The following USP53 variants were observed in gnomAD, a reference collection of about 807,000 sequenced individuals.
USP53 encodes the protein ubiquitin carboxyl-terminal hydrolase 53.
Under a neutral mutation model 94.9 loss-of-function variants are expected in USP53, and 71 were observed. The ratio of observed to expected loss-of-function variants is 0.75; its 90% confidence interval spans 0.62 to 0.91. USP53 has a LOEUF of 0.91. Among genes scored for constraint, USP53 ranks in the 40% least tolerant of loss-of-function variants. USP53 has a pLI of 0.00. For missense variants in USP53, 1,173 were observed against 1,281.0 expected (o/e 0.92, Z 1.29); for synonymous variants, 375 against 422.7 (o/e 0.89, Z 1.39).
At position 119,293,696 on chromosome 4, in the gene USP53, A is replaced by G. The variant is rs1323828917; in HGVS notation, c.*485A>G. ...CTAATTGAAAAGTACCAGGTGATAC[A>G]TAGCCTGGTACTTTTTTGTCAAAGA... On this transcript the variant is annotated 3_prime_UTR_variant, in exon 19 of 19. Coordinates refer to ENST00000692078, the MANE Select transcript of USP53 (RefSeq NM_001371395.1). 2.0e-5 allele frequency: 3 copies of G among 152,344 alleles called. No individual in the cohort carries two copies. The highest frequency in any genetic ancestry group is 2.0e-4 in the Admixed American group (3 of 15,276). 9.4% of individuals were successfully genotyped at this position (152,344 alleles called of 1,614,324 possible). A position where few individuals can be genotyped will look rare whatever the true frequency, so the allele number is the denominator to read the frequency against.
intron 4 of USP53, among the ~76,000 whole-genome samples, chr4:119,236,684 A>G (rs563373588): frequency 6.6e-6 from 1 of 152,326 alleles, no homozygotes; most frequent in Admixed American, 6.5e-5. Flanking sequence ...AAGTTTTATC[A>G]TGAGATTGCA....
chr4:119,242,862 A>G (rs1319529024), intron 5 of USP53, among the ~76,000 whole-genome samples: 1 of 152,240 alleles, frequency 6.6e-6, no homozygotes, highest in Non-Finnish European at 1.5e-5. Context: ...AGAATTTACT[A>G]AACACAGACA....
At chr4:119,269,546 C>A (rs1751586979) in intron 14 of USP53, 145 bp from the exon 15 acceptor site, 1 of 492,684 alleles carries the variant, frequency 2.0e-6, no homozygotes, top group Non-Finnish European at 3.1e-6. Flanking sequence ...AGTTTTTAAT[C>A]ATAAAAATAC....
chr4:119,237,310 G>A (rs1306787838), intron 4 of USP53, among the ~76,000 whole-genome samples: 4 of 152,242 alleles, frequency 2.6e-5, no homozygotes, highest in Non-Finnish European at 5.9e-5. Flanking sequence ...TGGTAAGTGA[G>A]CATTGGCTTC....
At chr4:119,215,245 GTAT>G (rs770311908) in intron 2 of USP53, among the ~76,000 whole-genome samples, 49 of 152,172 alleles carry the variant, frequency 3.2e-4, no homozygotes, top group Non-Finnish European at 6.3e-4. Context: ...TACAAATATA[GTAT>G]TATTATATTG....
chr4:119,292,097 G>C (rs531812040), intron 18 of USP53, among the ~76,000 whole-genome samples: 1 of 152,184 alleles, frequency 6.6e-6, no homozygotes, highest in African/African-American at 2.4e-5. Flanking sequence ...TTAGAAATGG[G>C]ATTCTGGTAA....
intron 3 of USP53, among the ~76,000 whole-genome samples, chr4:119,230,053 G>T (rs2149295413): frequency 6.6e-6 from 1 of 152,258 alleles, no homozygotes; most frequent in Non-Finnish European, 1.5e-5. Context: ...ACCTCTCCAA[G>T]AAGCCTATTC....
chr4:119,268,350 G>A lies in USP53; in HGVS notation c.1218G>A (p.Gln406=), dbSNP rs1042148052. ...FGDQAKQREN[Q]KFPTDNISSS... The stretch of plus-strand genomic sequence containing the variant: ...ATCAGGCAAAGCAGAGAGAAAATCA[G>A]AAATTTCCAACTGATAATATTTCAT... Residue 406 remains glutamine (Q), a synonymous_variant, in exon 14 of 19, where the codon CAG becomes CAA. Coordinates refer to ENST00000692078, the MANE Select transcript of USP53 (RefSeq NM_001371395.1). 6.2e-7 allele frequency: 1 copy of A among 1,613,974 alleles called. No individual in the cohort carries two copies. The highest frequency in any genetic ancestry group is 8.5e-7 in the Non-Finnish European group (1 of 1,179,952).
chr4:119,271,548 G>A lies in USP53; in HGVS notation c.1688G>A (p.Ser563Asn), dbSNP rs372366058. 2.5e-6 allele frequency: 4 copies of A among 1,613,654 alleles called. No homozygotes were observed. In the African/African-American group the frequency reaches 5.3e-5, roughly 22 times the overall value. The change falls in exon 16 of 19, where the codon AGC (serine) becomes AAC (asparagine). Residue 563 changes from serine to asparagine, a missense_variant. Coordinates refer to ENST00000692078, the MANE Select transcript of USP53 (RefSeq NM_001371395.1). ...DNGTGYDTDS[S>N]QDSRDRGNSC... ...GGCACTGGATATGACACAGACAGCA[G>A]CCAAGATTCTAGGGATAGAGGAAAC...
intron 12 of USP53, 66 bp downstream of exon 12, chr4:119,261,930 A>C: frequency 8.3e-7 from 1 of 1,208,470 alleles, no homozygotes; most frequent in Non-Finnish European, 1.1e-6. Context: ...TAAATGATAT[A>C]TTGATATTAA....
At chr4:119,275,953 C>A (rs1022041698) in intron 17 of USP53, among the ~76,000 whole-genome samples, 7 of 147,616 alleles carry the variant, frequency 4.7e-5, no homozygotes, top group African/African-American at 1.7e-4. Flanking sequence ...GATTTTGTAT[C>A]CTGAGACTTT....
chr4:119,239,547 T>C lies in USP53; in HGVS notation c.-213T>C. ...TGTTTAAAATAGCTTTCTTTTTTAG[T>C]GCTTAGAACTTCAATGTTTATGCAC... On this transcript the variant is annotated 5_prime_UTR_variant, in exon 5 of 19. Coordinates refer to ENST00000692078, the MANE Select transcript of USP53 (RefSeq NM_001371395.1). 2.0e-6 allele frequency: 1 copy of C among 488,660 alleles called. No homozygotes were observed. Among genetic ancestry groups the C allele is most frequent in the East Asian group, 3.1e-5 (1 of 31,854 alleles). 30.3% of individuals were successfully genotyped at this position (488,660 alleles called of 1,614,324 possible). A position where few individuals can be genotyped will look rare whatever the true frequency, so the allele number is the denominator to read the frequency against.
At chr4:119,251,767 A>G (rs999867216) in intron 7 of USP53, among the ~76,000 whole-genome samples, 2 of 152,138 alleles carry the variant, frequency 1.3e-5, no homozygotes, top group South Asian at 2.1e-4. Context: ...TTCCAATACT[A>G]TGTTGAGTAG....
At chr4:119,282,484 TTC>T (rs1753617887) in intron 17 of USP53, among the ~76,000 whole-genome samples, 1 of 152,104 alleles carries the variant, frequency 6.6e-6, no homozygotes, top group Non-Finnish European at 1.5e-5. Flanking sequence ...ACTTGTTATT[TTC>T]TGTTTTAATA....
At chr4:119,273,573 A>T (rs2149426750) in intron 16 of USP53, 59 bp from the exon 17 acceptor site, 2 of 1,053,464 alleles carry the variant, frequency 1.9e-6, no homozygotes, top group Admixed American at 2.3e-5. Flanking sequence ...GTTTTTTTTT[A>T]GACTAAACAA....
chr4:119,245,547 A>G (rs1748119426), intron 6 of USP53, 118 bp downstream of exon 6: 1 of 804,658 alleles, frequency 1.2e-6, no homozygotes. Context: ...AACAGTTTTG[A>G]AGATGAATTC....
intron 12 of USP53, 124 bp downstream of exon 12, chr4:119,261,988 CATG>C (rs1750574166): frequency 1.1e-6 from 1 of 882,538 alleles, no homozygotes; most frequent in African/African-American, 1.7e-5. Flanking sequence ...AATAAATGAA[CATG>C]ATGATAGCAT....
Position 119,239,628 on chromosome 4 carries a change from C to A in USP53, c.-132C>A. 1 of 1,074,476 alleles carries A rather than the reference C, an allele frequency of 9.3e-7. No homozygotes were observed. The highest frequency in any genetic ancestry group is 1.3e-6 in the Non-Finnish European group (1 of 776,350). The allele number at this position is 1,074,476 out of a possible 1,614,324, so 66.6% of individuals were successfully genotyped here. ...TTTATAACATCAGGAAAGATATGGA[C>A]TTGGAAACTTACATTATTAAAATAG... On this transcript the variant is annotated 5_prime_UTR_variant, in exon 5 of 19. Transcript: ENST00000692078.
chr4:119,260,698 T>C, intron 11 of USP53, 45 bp downstream of exon 11: 1 of 1,599,352 alleles, frequency 6.3e-7, no homozygotes, highest in Non-Finnish European at 8.5e-7. Flanking sequence ...TTTCAAATTC[T>C]TCTAAAACAT....
Sources: allele counts gnomAD v4.1 joint callset (sites outside exome capture counted in the v4.1 genomes callset), GRCh38; gene constraint gnomAD v4.1.1; transcripts MANE v1.5; gene names NCBI Gene and HGNC (gene_info 2026-07-23, HGNC 2026-07-21).